Variants in TMEM14B observed in about 807,000 individuals in gnomAD.
TMEM14B encodes the protein transmembrane protein 14B.
A neutral mutation model predicts 14.8 loss-of-function variants in TMEM14B; 9 were observed. The ratio of observed to expected loss-of-function variants is 0.61; its 90% CI spans 0.37 to 1.06. The LOEUF is 1.06. TMEM14B is among the 50% of genes least tolerant of loss of function. The pLI is 0.01. For synonymous variants in TMEM14B, 40 were observed against 51.3 expected (o/e 0.78, Z 0.94); for missense variants, 128 against 143.6 (o/e 0.89, Z 0.56).
intron 5 of TMEM14B, 23 bp downstream of exon 5, chr6:10,755,255 C>A (rs771835997): frequency 8.1e-6 from 13 of 1,613,902 alleles, no homozygotes; most frequent in Non-Finnish European, 1.1e-5. Context: ...TATTACTCTT[C>A]TTTACCATGT....
At chr6:10,754,321 T>A (rs1156249102) in intron 4 of TMEM14B, among the ~76,000 whole-genome samples, 1 of 152,236 alleles carries the variant, frequency 6.6e-6, no homozygotes, top group African/African-American at 2.4e-5. Flanking sequence ...ATCCTTAGTA[T>A]GGCCTTCAAG....
chr6:10,752,983 C>G (rs952082153), intron 4 of TMEM14B: 2 of 152,122 alleles, frequency 1.3e-5, no homozygotes, highest in Admixed American at 1.3e-4. Context: ...CTCGTATAAT[C>G]CCAGCACTTT....
chr6:10,758,103 A>C (rs1274003195), downstream of TMEM14B, among the ~76,000 whole-genome samples: 2 of 152,128 alleles, frequency 1.3e-5, no homozygotes, highest in Non-Finnish European at 2.9e-5. Flanking sequence ...TGGTGGTCCT[A>C]GTTTTCCATC....
chr6:10,747,994 C>T (rs1771395369), intron 1 of TMEM14B, 113 bp downstream of exon 1: 1 of 152,268 alleles, frequency 6.6e-6, no homozygotes, highest in Non-Finnish European at 1.5e-5. Context: ...TTCAGCGGGC[C>T]TTTATGCCGT....
At chr6:10,751,110 A>G in intron 3 of TMEM14B, 23 bp from the exon 4 acceptor site, 1 of 1,612,548 alleles carries the variant, frequency 6.2e-7, no homozygotes, top group Non-Finnish European at 8.5e-7. Flanking sequence ...ATTACAATGC[A>G]AGCTGCGTTT....
intron 4 of TMEM14B, among the ~76,000 whole-genome samples, chr6:10,753,352 TG>T (rs1771668183): frequency 6.6e-6 from 1 of 152,128 alleles, no homozygotes; most frequent in Non-Finnish European, 1.5e-5. Context: ...CAGTGACCTG[TG>T]TTTGTACAAA....
At position 10,755,220 on chromosome 6, in the gene TMEM14B, T is replaced by G; in HGVS notation, c.281T>G (p.Ile94Ser). Residue 94 changes from isoleucine to serine, a missense_variant, in exon 5 of 6, where the codon ATT (isoleucine) becomes AGT (serine). Transcript: ENST00000379542. ...YYGKFMPVGL[I>S]AGASLLMAAK... ...GGAAAATTCATGCCTGTAGGTTTAA[T>G]TGCAGGTGCCAGGTACTTTCATTCT... 6.2e-7 allele frequency: 1 copy of G among 1,614,250 alleles called. No individual in the cohort carries two copies. The highest frequency in any genetic ancestry group is 1.1e-5 in the South Asian group (1 of 91,090).
At chr6:10,758,593 G>A (rs146777959), downstream of TMEM14B, among the ~76,000 whole-genome samples, 530 of 152,100 alleles carry the variant, frequency 3.5e-3, 2 homozygotes, top group East Asian at 0.018. Flanking sequence ...GGTGGAGGAG[G>A]TGGACATCTA....
chr6:10,756,435 C>G (rs564373132), intron 5 of TMEM14B, 32 bp from the exon 6 acceptor site: 12 of 1,611,992 alleles, frequency 7.4e-6, no homozygotes, highest in East Asian at 2.2e-5. Context: ...TATCCTTTAC[C>G]TGATGTTTTC....
In TMEM14B at chr6:10,755,129, G is replaced by A. The variant is rs1179964801; in HGVS notation, c.203-13G>A. On this transcript the variant is annotated splice_polypyrimidine_tract_variant and intron_variant, in intron 4 of 5. Transcript: ENST00000379542. ...GACTAATGAGTTTTGACCCTTCTTT[G>A]TATCTTTTTCAGCCGCTACATCTGT... 6.2e-7 allele frequency: 1 copy of A among 1,612,932 alleles called. No individual in the cohort carries two copies. Among genetic ancestry groups the A allele is most frequent in the South Asian group, 1.1e-5 (1 of 91,036 alleles).
chr6:10,753,852 G>A (rs552081505), intron 4 of TMEM14B, among the ~76,000 whole-genome samples: 3 of 152,214 alleles, frequency 2.0e-5, no homozygotes, highest in East Asian at 1.9e-4. Context: ...CACAGCCATC[G>A]TCCTAGTCCC....
chr6:10,754,426 C>T (rs1771727576), intron 4 of TMEM14B, among the ~76,000 whole-genome samples: 1 of 152,174 alleles, frequency 6.6e-6, no homozygotes, highest in Non-Finnish European at 1.5e-5. Context: ...CTCCCTGTCA[C>T]CACAGGGCCT....
downstream of TMEM14B, chr6:10,756,993 G>A: frequency 1.0e-6 from 1 of 982,134 alleles, no homozygotes; most frequent in Non-Finnish European, 1.2e-6. Flanking sequence ...TTCCTATGGT[G>A]TCTTCATTGC....
At chr6:10,749,524 G>C in intron 2 of TMEM14B, 98 bp from the exon 3 acceptor site, 1 of 1,402,698 alleles carries the variant, frequency 7.1e-7, no homozygotes, top group Non-Finnish European at 1.0e-6. Flanking sequence ...TAGGACCTGT[G>C]GGGAATGATT....
chr6:10,750,310 C>G (rs541996126), intron 3 of TMEM14B, among the ~76,000 whole-genome samples: 16 of 151,668 alleles, frequency 1.1e-4, no homozygotes, highest in Non-Finnish European at 1.3e-4. Flanking sequence ...TTAGAGAAAA[C>G]GCCACACTTT....
In TMEM14B at chr6:10,749,681, T is replaced by C. The variant is rs1248391133; in HGVS notation, c.83T>C (p.Val28Ala). ...GCACTGGTTGTTTCTGGTGGGATCGTTGGCTATGTAAAAACAGGTAGGGTT... is the reference window on the plus strand; with the variant it reads ...GCACTGGTTGTTTCTGGTGGGATCGCTGGCTATGTAAAAACAGGTAGGGTT... ...YTALVVSGGI[V>A]GYVKTGSVPS... The change falls in exon 3 of 6, where the codon GTT (valine) becomes GCT (alanine). Residue 28 changes from valine (V) to alanine (A), a missense_variant. Coordinates refer to ENST00000379542, the MANE Select transcript of TMEM14B (RefSeq NM_030969.5). 5 of 1,614,104 alleles carry C rather than the reference T, an allele frequency of 3.1e-6. No individual in the cohort carries two copies. Among genetic ancestry groups the C allele is most frequent in the Admixed American group, 1.7e-5 (1 of 60,012 alleles).
chr6:10,756,992 T>G, downstream of TMEM14B: 1 of 982,236 alleles, frequency 1.0e-6, no homozygotes, highest in Non-Finnish European at 1.2e-6. Flanking sequence ...TTTCCTATGG[T>G]GTCTTCATTG....
intron 3 of TMEM14B, chr6:10,749,957 A>G (rs905885844): frequency 5.7e-6 from 3 of 528,648 alleles, no homozygotes; most frequent in Non-Finnish European, 1.0e-5. Flanking sequence ...GTAGTTTGTT[A>G]TTATCATTGA....
intron 3 of TMEM14B, chr6:10,749,922 T>C (rs1771482725): frequency 5.0e-6 from 3 of 597,652 alleles, no homozygotes; most frequent in South Asian, 2.0e-5. Context: ...TTTGCCTCTT[T>C]ATCTAAAGGT....
Sources: gnomAD v4.1 joint callset for allele counts (sites outside exome capture counted in the v4.1 genomes callset) on GRCh38, gnomAD v4.1.1 for gene constraint, MANE v1.5 for transcripts, NCBI Gene and HGNC (gene_info 2026-07-23, HGNC 2026-07-21) for gene names.